ZNF385D: variants seen among roughly 807,000 people sequenced by gnomAD.
The protein encoded by ZNF385D is zinc finger protein 385D.
In ZNF385D, 15 loss-of-function variants were observed where a neutral mutation model predicts 35.8. That is an observed-to-expected ratio of 0.42 (90% CI 0.28 to 0.64). ZNF385D has a LOEUF of 0.64. Among genes scored for constraint, ZNF385D ranks in the 30% least tolerant of loss-of-function variants. The pLI, the probability that ZNF385D is intolerant of heterozygous loss-of-function variation, is 0.23. For missense variants in ZNF385D, 474 were observed against 494.6 expected (o/e 0.96, Z 0.39); for synonymous variants, 212 against 186.8 (o/e 1.13, Z -1.10).
At chr3:22,288,598 T>C (rs758751604) in intron 2 of ZNF385D, among the ~76,000 whole-genome samples, 22 of 152,124 alleles carry the variant, frequency 1.4e-4, no homozygotes, top group Non-Finnish European at 2.9e-4. Context: ...CTTTTTATAG[T>C]TTGTCTCTTT....
intron 2 of ZNF385D, among the ~76,000 whole-genome samples, chr3:22,259,937 T>C (rs1362539011): frequency 3.3e-5 from 5 of 151,794 alleles, no homozygotes; most frequent in Admixed American, 3.3e-4. Flanking sequence ...CTACTTTCAA[T>C]AACCTCAAAA....
chr3:22,108,697 G>A (rs1368799299), intron 3 of ZNF385D, among the ~76,000 whole-genome samples: 12 of 152,154 alleles, frequency 7.9e-5, no homozygotes, highest in African/African-American at 2.6e-4. Flanking sequence ...AAGTTATAAA[G>A]TCTAAATAAG....
chr3:21,865,996 T>C (rs746940895), intron 3 of ZNF385D, among the ~76,000 whole-genome samples: 10 of 152,106 alleles, frequency 6.6e-5, no homozygotes, highest in Non-Finnish European at 1.0e-4. Flanking sequence ...TACTAGATTA[T>C]ATTATCATTT....
intron 3 of ZNF385D, among the ~76,000 whole-genome samples, chr3:21,933,757 C>T (rs1428490155): frequency 2.0e-5 from 3 of 152,112 alleles, no homozygotes; most frequent in African/African-American, 4.8e-5. Context: ...ATTGTTTCAA[C>T]TCAATTCAAA....
chr3:21,447,872 A>G (rs1214761859), intron 4 of ZNF385D, among the ~76,000 whole-genome samples: 1 of 152,148 alleles, frequency 6.6e-6, no homozygotes, highest in African/African-American at 2.4e-5. Context: ...CCAGCTCTTC[A>G]GTTTTTTTGT....
rs372742352 is a variant in ZNF385D at position 21,547,869 on chromosome 3, G to T, written c.276+16705C>A. 8.0e-4 allele frequency among the ~76,000 whole-genome samples: 122 copies of T among 152,058 alleles called. 2 individuals are homozygous for T. In the South Asian group the frequency reaches 0.019, roughly 24 times the overall value. ...CAGGTGGTCCACCCCCCTTGGCCTC[G>T]CAAAGTGCTGGGATTACAGGTGTGA... On this transcript the variant is annotated intron_variant, in intron 3 of 7. Transcript: ENST00000281523.
At chr3:21,762,816 G>C (rs2070677258) in intron 3 of ZNF385D, among the ~76,000 whole-genome samples, 1 of 152,116 alleles carries the variant, frequency 6.6e-6, no homozygotes, top group Admixed American at 6.5e-5. Flanking sequence ...GGATTGAAAA[G>C]GCCTATTCAT....
intron 2 of ZNF385D, among the ~76,000 whole-genome samples, chr3:22,179,022 G>T (rs1378253572): frequency 1.3e-5 from 2 of 152,090 alleles, no homozygotes; most frequent in Admixed American, 6.5e-5. Flanking sequence ...GCAGCGTGAT[G>T]CCTCCAGCTT....
At chr3:21,796,385 C>T (rs2072151867) in intron 3 of ZNF385D, among the ~76,000 whole-genome samples, 1 of 152,136 alleles carries the variant, frequency 6.6e-6, no homozygotes, top group South Asian at 2.1e-4. Flanking sequence ...CAAAAATCCT[C>T]AACAAAATAT....
intron 2 of ZNF385D, among the ~76,000 whole-genome samples, chr3:21,634,995 A>G (rs995310352): frequency 3.9e-5 from 6 of 152,120 alleles, no homozygotes; most frequent in African/African-American, 1.4e-4. Flanking sequence ...TCCTGCTTCA[A>G]GTTTAACTGT....
At chr3:21,825,964 G>C (rs1219615437) in intron 3 of ZNF385D, among the ~76,000 whole-genome samples, 1 of 152,156 alleles carries the variant, frequency 6.6e-6, no homozygotes, top group Non-Finnish European at 1.5e-5. Flanking sequence ...GCATGCGAGG[G>C]ATCTAGGTTG....
At chr3:21,671,340 A>C (rs1346845784) in intron 1 of ZNF385D, among the ~76,000 whole-genome samples, 2 of 152,148 alleles carry the variant, frequency 1.3e-5, no homozygotes, top group East Asian at 3.9e-4. Context: ...TTAAAAAAGC[A>C]AAACTTGATT....
At chr3:22,166,360 T>C (rs2125752237) in intron 3 of ZNF385D, among the ~76,000 whole-genome samples, 1 of 152,304 alleles carries the variant, frequency 6.6e-6, no homozygotes, top group South Asian at 2.1e-4. Context: ...TTTTAAATGT[T>C]CTCCTAAATG....
intron 3 of ZNF385D, among the ~76,000 whole-genome samples, chr3:22,060,722 T>C (rs1699646416): frequency 6.6e-6 from 1 of 151,982 alleles, no homozygotes; most frequent in African/African-American, 2.4e-5. Context: ...ATATATAATA[T>C]AGATTATTAT....
chr3:21,512,555 C>G (rs1421463619), intron 3 of ZNF385D, among the ~76,000 whole-genome samples: 4 of 152,154 alleles, frequency 2.6e-5, no homozygotes, highest in Admixed American at 1.3e-4. Context: ...ACTAGGTACC[C>G]TTATTGAAAG....
In ZNF385D at chr3:22,099,545, G is replaced by A. The variant is rs149972801; in HGVS notation, c.325+69272C>T. Among the ~76,000 whole-genome samples the A allele has an allele frequency of 4.8e-3, 736 of 152,170 alleles. 3 individuals carry two copies. The highest frequency in any genetic ancestry group is 0.017 in the African/African-American group (707 of 41,556). On this transcript the variant is annotated intron_variant, in intron 3 of 5. Coordinates refer to the ZNF385D transcript ENST00000494108. ...AGAGAATGGGATTTGTAGGAAATGTGTGGCTGAGACACAAGTGCTCACATA... is the reference window on the plus strand; with the variant it reads ...AGAGAATGGGATTTGTAGGAAATGTATGGCTGAGACACAAGTGCTCACATA...
At chr3:21,674,751 C>T (rs150666042) in intron 1 of ZNF385D, among the ~76,000 whole-genome samples, 1 of 152,084 alleles carries the variant, frequency 6.6e-6, no homozygotes, top group Non-Finnish European at 1.5e-5. Flanking sequence ...TTCTAGCCAA[C>T]ATTACTAGAC....
intron 3 of ZNF385D, among the ~76,000 whole-genome samples, chr3:21,960,386 A>G (rs576193889): frequency 6.6e-6 from 1 of 152,282 alleles, no homozygotes; most frequent in South Asian, 2.1e-4. Context: ...CTATAATGAA[A>G]TATCACCTCA....
chr3:21,832,509 A>T (rs1224756345), intron 3 of ZNF385D, among the ~76,000 whole-genome samples: 1 of 152,220 alleles, frequency 6.6e-6, no homozygotes, highest in Non-Finnish European at 1.5e-5. Flanking sequence ...ATGATTACAG[A>T]AAGTTGTACT....
Sources: gnomAD v4.1 joint callset for allele counts (sites outside exome capture counted in the v4.1 genomes callset) on GRCh38, gnomAD v4.1.1 for gene constraint, MANE v1.5 for transcripts, NCBI Gene and HGNC (gene_info 2026-07-23, HGNC 2026-07-21) for gene names.